TMC1: variants seen among roughly 807,000 people sequenced by gnomAD.
TMC1 encodes transmembrane channel like 1.
TMC1 carries 84 observed loss-of-function variants against 105.8 expected under a neutral mutation model. That is an observed-to-expected ratio of 0.79 (90% CI 0.67 to 0.95). The LOEUF is 0.95. Among genes scored for constraint, TMC1 ranks in the 40% least tolerant of loss-of-function variants. The pLI, the probability that TMC1 is intolerant of heterozygous loss-of-function variation, is 0.00. For missense variants in TMC1, 817 were observed against 914.1 expected (o/e 0.89, Z 1.37); for synonymous variants, 315 against 311.5 (o/e 1.01, Z -0.12).
At chr9:72,595,483 T>G (rs1358669113) in intron 2 of TMC1, among the ~76,000 whole-genome samples, 1 of 152,190 alleles carries the variant, frequency 6.6e-6, no homozygotes, top group Admixed American at 6.5e-5. Flanking sequence ...ACATAATTAC[T>G]AAGTCTAGCA....
At chr9:72,761,121 C>T (rs1015893767) in intron 12 of TMC1, among the ~76,000 whole-genome samples, 5 of 152,034 alleles carry the variant, frequency 3.3e-5, no homozygotes, top group Non-Finnish European at 5.9e-5. Context: ...TAGTAAGAAA[C>T]AGAGAGATTA....
chr9:72,819,265 C>T (rs1002633739), intron 19 of TMC1, among the ~76,000 whole-genome samples: 1 of 152,132 alleles, frequency 6.6e-6, no homozygotes, highest in East Asian at 1.9e-4. Flanking sequence ...GCAGTAAGGA[C>T]CTAATTTCTA....
intron 12 of TMC1, among the ~76,000 whole-genome samples, chr9:72,755,698 T>C (rs1473892042): frequency 3.3e-5 from 5 of 152,154 alleles, no homozygotes; most frequent in African/African-American, 9.7e-5. Flanking sequence ...CAGGTTGAAA[T>C]TGAGGAATTG....
intron 23 of TMC1, among the ~76,000 whole-genome samples, chr9:72,834,050 T>C (rs1168806460): frequency 6.6e-6 from 1 of 151,726 alleles, no homozygotes; most frequent in Non-Finnish European, 1.5e-5. Flanking sequence ...TCATGTAGAA[T>C]TTCTAATTTA....
At chr9:72,666,170 C>T (rs1826039370) in intron 5 of TMC1, among the ~76,000 whole-genome samples, 1 of 151,942 alleles carries the variant, frequency 6.6e-6, no homozygotes, top group African/African-American at 2.4e-5. Flanking sequence ...AATCCCAGCA[C>T]TTTGGGAGGC....
intron 17 of TMC1, among the ~76,000 whole-genome samples, chr9:72,793,662 G>A (rs1366975247): frequency 6.6e-6 from 1 of 152,184 alleles, no homozygotes; most frequent in Non-Finnish European, 1.5e-5. Context: ...GTGGGGGCAG[G>A]CTGCCATCTT....
At chr9:72,724,438 G>A (rs998573941) in intron 8 of TMC1, among the ~76,000 whole-genome samples, 1 of 152,140 alleles carries the variant, frequency 6.6e-6, no homozygotes, top group Non-Finnish European at 1.5e-5. Flanking sequence ...CCTCATGGCC[G>A]AATTATCTCT....
chr9:72,568,128 G>A (rs543048013), intron 1 of TMC1, among the ~76,000 whole-genome samples: 1 of 151,018 alleles, frequency 6.6e-6, no homozygotes, highest in South Asian at 2.1e-4. Context: ...GGAATCCCCA[G>A]ATAAACATGG....
At chr9:72,806,453 C>T in intron 18 of TMC1, among the ~76,000 whole-genome samples, 1 of 151,342 alleles carries the variant, frequency 6.6e-6, no homozygotes, top group Non-Finnish European at 1.5e-5. Flanking sequence ...AGACGCTCCT[C>T]AGTTCCCAGA....
chr9:72,817,183 C>T (rs1042178896), intron 19 of TMC1: 3 of 152,162 alleles, frequency 2.0e-5, no homozygotes, highest in Non-Finnish European at 4.4e-5. Context: ...GACAACTCTC[C>T]AGGGCTCCAT....
chr9:72,833,619 C>A (rs1306499732), intron 23 of TMC1, among the ~76,000 whole-genome samples: 1 of 152,164 alleles, frequency 6.6e-6, no homozygotes, highest in Non-Finnish European at 1.5e-5. Flanking sequence ...ATGTGAGAGG[C>A]AAATTTTCTG....
intron 1 of TMC1, among the ~76,000 whole-genome samples, chr9:72,570,676 C>CT (rs529953890): frequency 0.035 from 2,631 of 75,672 alleles, 407 homozygotes; most frequent in Non-Finnish European, 0.042. Context: ...GCCAAATTTC[C>CT]TTTTTTTTTT....
intron 12 of TMC1, among the ~76,000 whole-genome samples, chr9:72,771,279 G>T (rs1361252527): frequency 6.6e-6 from 1 of 152,152 alleles, no homozygotes; most frequent in Non-Finnish European, 1.5e-5. Context: ...TATTTTGAAA[G>T]CAATAGTTTT....
intron 12 of TMC1, among the ~76,000 whole-genome samples, chr9:72,761,645 C>T (rs185870171): frequency 6.6e-6 from 1 of 152,282 alleles, no homozygotes; most frequent in Non-Finnish European, 1.5e-5. Flanking sequence ...ATTCCTTCTG[C>T]CCTGCCTGCC....
chr9:72,599,810 C>CA (rs912824750), intron 2 of TMC1, among the ~76,000 whole-genome samples: 93 of 112,222 alleles, frequency 8.3e-4, no homozygotes, highest in South Asian at 2.2e-3. Context: ...AACTCCATTT[C>CA]AAAAAAAAAA....
intron 5 of TMC1, among the ~76,000 whole-genome samples, chr9:72,668,055 T>A (rs547382211): frequency 6.9e-6 from 1 of 145,000 alleles, no homozygotes. Context: ...CCTAGTTAGA[T>A]TGTGACATTT....
At chr9:72,788,767 A>G (rs1293820702) in intron 14 of TMC1, among the ~76,000 whole-genome samples, 2 of 152,226 alleles carry the variant, frequency 1.3e-5, no homozygotes, top group African/African-American at 4.8e-5. Flanking sequence ...AGATATTTTA[A>G]AAACTAGAAC....
chr9:72,625,687 C>CAA (rs554543865), intron 3 of TMC1, among the ~76,000 whole-genome samples: 42 of 70,690 alleles, frequency 5.9e-4, no homozygotes, highest in African/African-American at 1.6e-3. Context: ...GACTCTGTCT[C>CAA]AAAAAAAAAA....
intron 12 of TMC1, 107 bp from the exon 13 acceptor site, chr9:72,772,306 C>G (rs1827940779): frequency 6.9e-7 from 1 of 1,446,816 alleles, no homozygotes; most frequent in Non-Finnish European, 9.7e-7. Context: ...GAGCTGTGAC[C>G]CAAGTTTGAA....
Sources: gnomAD v4.1 joint callset for allele counts (sites outside exome capture counted in the v4.1 genomes callset) on GRCh38, gnomAD v4.1.1 for gene constraint, MANE v1.5 for transcripts, NCBI Gene and HGNC (gene_info 2026-07-23, HGNC 2026-07-21) for gene names.